Variants in TEX15 observed in about 807,000 individuals in gnomAD.
TEX15 encodes testis expressed 15, meiosis and synapsis associated.
TEX15 carries 171 observed loss-of-function variants against 237.3 expected under a neutral mutation model. The observed-to-expected ratio is 0.72, with a 90% CI of 0.64 to 0.82. The LOEUF (loss-of-function observed/expected upper bound fraction) is 0.82. TEX15 is among the 40% of genes least tolerant of loss of function. TEX15 has a pLI of 0.00. For missense variants in TEX15, 3,750 were observed against 3,646.5 expected, an observed-to-expected ratio of 1.03 and a Z score of -0.73; for synonymous variants, 1,338 against 1,269.8, an observed-to-expected ratio of 1.05 and a Z score of -1.14.
rs1450677349 is a variant in TEX15, at chr8:30,841,569, C to T, written c.8163+435G>A. Among the ~76,000 whole-genome samples, 5 of 152,112 alleles carry T rather than the reference C, an allele frequency of 3.3e-5. No individual in the cohort carries two copies. The South Asian group carries it at 8.3e-4, about 25-fold the overall frequency. On this transcript the variant is annotated intron_variant, in intron 8 of 10. Coordinates refer to ENST00000643185, the MANE Select transcript of TEX15 (RefSeq NM_001350162.2). Reference sequence around the variant, plus strand: ...AATTATCTCTTGAAAAATATCTGTCCTATTTCTCCATTGGGATGATAATGG... The same window carrying T: ...AATTATCTCTTGAAAAATATCTGTCTTATTTCTCCATTGGGATGATAATGG...
In TEX15 at chr8:30,884,360, G is replaced by A. The variant is rs1808601156; in HGVS notation, c.136+2807C>T. Among the ~76,000 whole-genome samples the A allele has an allele frequency of 2.0e-5, 3 of 152,160 alleles. No individual in the cohort carries two copies. The South Asian group carries it at 6.2e-4, about 31-fold the overall frequency. ...AATGCTCCTCTAAAAGCATGAGTCA[G>A]AGAATATTCCTTCTACTTGTATCTT... On this transcript the variant is annotated intron_variant, in intron 3 of 10. Transcript: ENST00000643185.
rs766820200 is a variant in TEX15, at chr8:30,843,504, T to C, written c.6663A>G (p.Val2221=). 1 of 1,613,104 alleles carries C rather than the reference T, an allele frequency of 6.2e-7. No homozygotes were observed. The highest frequency in any genetic ancestry group is 1.7e-5 in the Admixed American group (1 of 59,956). ...LRKSTLKLIN[V]CGDSPKVHSY... ...AATGAACTTTAGGAGAGTCCCCACATACATTGATCAACTTTAAAGTACTTT... is the reference window on the plus strand; with the variant it reads ...AATGAACTTTAGGAGAGTCCCCACACACATTGATCAACTTTAAAGTACTTT... The change falls in exon 8 of 11, where the codon GTA becomes GTG. Residue 2221 remains valine (V), a synonymous_variant. Coordinates refer to ENST00000643185, the MANE Select transcript of TEX15 (RefSeq NM_001350162.2).
chr8:30,872,079 T>G (rs1808303242), intron 4 of TEX15, among the ~76,000 whole-genome samples: 1 of 151,934 alleles, frequency 6.6e-6, no homozygotes, highest in Non-Finnish European at 1.5e-5. Context: ...TGGGTGAGAG[T>G]AAGAATGTCT....
rs1480287838 is a variant in TEX15, at chr8:30,843,910, A to G, written c.6257T>C (p.Ile2086Thr). Residue 2086 changes from isoleucine (I) to threonine (T), a missense_variant, in exon 8 of 11, where the codon ATT (isoleucine) becomes ACT (threonine). By Grantham distance (89) the Ile-to-Thr change is moderately conservative. Coordinates refer to ENST00000643185, the MANE Select transcript of TEX15 (RefSeq NM_001350162.2). Reference sequence around the variant, plus strand: ...TTCTAAGTGCCTTTTTTTGTTTTCAATGAATTGAATTGTTTCCATCATCAT... The same window carrying G: ...TTCTAAGTGCCTTTTTTTGTTTTCAGTGAATTGAATTGTTTCCATCATCAT... The part of the protein sequence containing the change: ...LQMMMETIQF[I>T]ENKKRHLEGE... The G allele has an allele frequency of 1.2e-6, 2 of 1,612,604 alleles. No homozygotes were observed. Among genetic ancestry groups the G allele is most frequent in the Admixed American group, 3.3e-5 (2 of 59,902 alleles).
At chr8:30,911,913 G>A (rs1809227529) in intron 1 of TEX15, among the ~76,000 whole-genome samples, 1 of 152,156 alleles carries the variant, frequency 6.6e-6, no homozygotes, top group Admixed American at 6.5e-5. Context: ...TCCTGCACCC[G>A]CACCACGCCG....
chr8:30,834,424 G>A (rs1807247142), intron 10 of TEX15, among the ~76,000 whole-genome samples: 2 of 152,130 alleles, frequency 1.3e-5, no homozygotes, highest in South Asian at 4.1e-4. Context: ...TGCCTGCCTT[G>A]GCCTCCCAGA....
chr8:30,860,356 C>T (rs1808019930), intron 5 of TEX15, among the ~76,000 whole-genome samples: 1 of 152,010 alleles, frequency 6.6e-6, no homozygotes, highest in South Asian at 2.1e-4. Flanking sequence ...AAGCAATTCT[C>T]CTGCCTTGGC....
chr8:30,838,515 T>C (rs1807362252), intron 9 of TEX15, among the ~76,000 whole-genome samples: 1 of 151,772 alleles, frequency 6.6e-6, no homozygotes, highest in Non-Finnish European at 1.5e-5. Context: ...AACAGACTAA[T>C]ACGTTTTTGT....
In TEX15 at chr8:30,912,944, C is replaced by G. The variant is rs534972882; in HGVS notation, c.-151G>C. 1 of 152,350 alleles carries G rather than the reference C, an allele frequency of 6.6e-6. No individual in the cohort carries two copies. Among genetic ancestry groups the G allele is most frequent in the Non-Finnish European group, 1.5e-5 (1 of 68,162 alleles). 9.4% of individuals were successfully genotyped at this position (152,350 alleles called of 1,614,324 possible). A position where few individuals can be genotyped will look rare whatever the true frequency, so the allele number is the denominator to read the frequency against. On this transcript the variant is annotated 5_prime_UTR_variant, in exon 1 of 11. Coordinates refer to ENST00000643185, the MANE Select transcript of TEX15 (RefSeq NM_001350162.2). ...ATCTTAGCACGGTACAGACCTTCGC[C>G]CACTGCCTTCCCTGGAAGCCTCAGG...
chr8:30,846,311 A>G lies in TEX15; in HGVS notation c.3856T>C (p.Tyr1286His). 1 of 1,612,938 alleles carries G rather than the reference A, an allele frequency of 6.2e-7. No homozygotes were observed. The highest frequency in any genetic ancestry group is 8.5e-7 in the Non-Finnish European group (1 of 1,179,592). Residue 1286 changes from tyrosine (Y) to histidine (H), a missense_variant, in exon 8 of 11, where the codon TAT (tyrosine) becomes CAT (histidine). Coordinates refer to ENST00000643185, the MANE Select transcript of TEX15 (RefSeq NM_001350162.2). ...RCFFTKSKTD[Y>H]NDTKNKKEVE... ...TCCTTTTTATTTTTGGTATCATTAT[A>G]GTCAGTTTTTGATTTTGTAAAGAAA...
In TEX15 at chr8:30,845,803, C is replaced by T. The variant is rs373360661; in HGVS notation, c.4364G>A (p.Arg1455Gln). ...HFSSKRKYDK[R>Q]RKKRAPKADI... ...AGCTTTTGGAGCTCTTTTCTTTCTC[C>T]GTTTGTCATATTTTCTTTTTGACGA... The change falls in exon 8 of 11, where the codon CGG becomes CAG. Residue 1455 changes from arginine (R) to glutamine (Q), a missense_variant. Coordinates refer to ENST00000643185, the MANE Select transcript of TEX15 (RefSeq NM_001350162.2). The T allele has an allele frequency of 4.7e-5, 75 of 1,609,146 alleles. No homozygotes were observed. The highest frequency in any genetic ancestry group is 1.7e-4 in the Middle Eastern group (1 of 6,058).
intron 8 of TEX15, among the ~76,000 whole-genome samples, chr8:30,841,526 G>A (rs977401326): frequency 2.0e-5 from 3 of 152,292 alleles, no homozygotes; most frequent in Non-Finnish European, 4.4e-5. Context: ...TTTAATATAG[G>A]ACTTTTAACT....
Position 30,867,258 on chromosome 8 carries a change from T to C in TEX15, c.540+7A>G. 2 of 1,345,996 alleles carry C rather than the reference T, an allele frequency of 1.5e-6. No individual in the cohort carries two copies. The highest frequency in any genetic ancestry group is 2.0e-6 in the Non-Finnish European group (2 of 975,952). 83.4% of individuals were successfully genotyped at this position (1,345,996 alleles called of 1,614,324 possible). A position where few individuals can be genotyped will look rare whatever the true frequency, so the allele number is the denominator to read the frequency against. ...CATATACTTAATATTTGTTTTATGA[T>C]ACCTACCTTAAAAATTAAAATACTT... On this transcript the variant is annotated splice_region_variant and intron_variant, in intron 5 of 10. Transcript: ENST00000643185.
intron 2 of TEX15, among the ~76,000 whole-genome samples, chr8:30,889,118 T>C (rs1295976171): frequency 1.3e-5 from 2 of 152,226 alleles, no homozygotes; most frequent in Non-Finnish European, 2.9e-5. Flanking sequence ...ATCAGTTGAA[T>C]ATACTTTACT....
chr8:30,882,120 T>A (rs1197448111), intron 3 of TEX15, among the ~76,000 whole-genome samples: 1 of 152,226 alleles, frequency 6.6e-6, no homozygotes, highest in Non-Finnish European at 1.5e-5. Context: ...TCAAAATGTG[T>A]TATTTACCTT....
At chr8:30,840,057 T>C in intron 8 of TEX15, 93 bp from the exon 9 acceptor site, 1 of 715,122 alleles carries the variant, frequency 1.4e-6, no homozygotes, top group South Asian at 3.5e-5. Context: ...TTTTAATTGC[T>C]TGTTCTGCCA....
At chr8:30,899,970 A>G (rs1808977443) in intron 1 of TEX15, among the ~76,000 whole-genome samples, 1 of 152,200 alleles carries the variant, frequency 6.6e-6, no homozygotes, top group African/African-American at 2.4e-5. Flanking sequence ...TTAAAATGCT[A>G]TGCATTTTCA....
chr8:30,881,131 A>G (rs1808510468), intron 3 of TEX15, among the ~76,000 whole-genome samples: 1 of 152,184 alleles, frequency 6.6e-6, no homozygotes, highest in Non-Finnish European at 1.5e-5. Flanking sequence ...AATTCATTTT[A>G]AATATTGAAC....
chr8:30,887,151 A>G lies in TEX15; in HGVS notation c.136+16T>C, dbSNP rs1404912205. The G allele has an allele frequency of 6.6e-6, 10 of 1,519,044 alleles. No homozygotes were observed. Among genetic ancestry groups the G allele is most frequent in the Non-Finnish European group, 8.8e-6 (10 of 1,141,734 alleles). The allele number at this position is 1,519,044 out of a possible 1,614,324, so 94.1% of individuals were successfully genotyped here. On this transcript the variant is annotated intron_variant, in intron 3 of 10. Coordinates refer to ENST00000643185, the MANE Select transcript of TEX15 (RefSeq NM_001350162.2). ...GTAATAGTTACTAAAAAAATTCCCA[A>G]CCACAGAAATATTACCTTTCTCAGC...
Sources: allele counts gnomAD v4.1 joint callset (sites outside exome capture counted in the v4.1 genomes callset), GRCh38; gene constraint gnomAD v4.1.1; transcripts MANE v1.5; gene names NCBI Gene and HGNC (gene_info 2026-07-23, HGNC 2026-07-21).